CFAP299: variants seen among roughly 807,000 people sequenced by gnomAD.
CFAP299 encodes the protein cilia and flagella associated protein 299.
A neutral mutation model predicts 27.0 loss-of-function variants in CFAP299; 21 were observed. That is an observed-to-expected ratio of 0.78 (90% confidence interval 0.55 to 1.12). The LOEUF (loss-of-function observed/expected upper bound fraction) is 1.12, where lower values mean the gene tolerates loss of function less well. Among genes scored for constraint, CFAP299 ranks in the 50% most tolerant of loss-of-function variants. The pLI is 0.00. For synonymous variants in CFAP299, 104 were observed against 98.1 expected (o/e 1.06, Z -0.36); for missense variants, 310 against 276.6 (o/e 1.12, Z -0.86).
chr4:80,380,578 C>A (rs929147068), intron 2 of CFAP299, among the ~76,000 whole-genome samples: 4 of 151,946 alleles, frequency 2.6e-5, no homozygotes, highest in African/African-American at 9.7e-5. Context: ...CAGGTGCATG[C>A]CACCACACCT....
intron 4 of CFAP299, among the ~76,000 whole-genome samples, chr4:80,903,394 T>C (rs1735024227): frequency 6.6e-6 from 1 of 152,028 alleles, no homozygotes; most frequent in Non-Finnish European, 1.5e-5. Context: ...CTCAGTTACA[T>C]AAAAGAAAAT....
intron 3 of CFAP299, among the ~76,000 whole-genome samples, chr4:80,767,885 T>C (rs1725985823): frequency 6.6e-6 from 1 of 152,218 alleles, no homozygotes; most frequent in Admixed American, 6.5e-5. Context: ...TTTATCAAAA[T>C]AGACTCTCTA....
At chr4:80,726,897 T>A (rs1399256767) in intron 3 of CFAP299, among the ~76,000 whole-genome samples, 1 of 152,170 alleles carries the variant, frequency 6.6e-6, no homozygotes, top group African/African-American at 2.4e-5. Context: ...CAATTGGTAT[T>A]TTCTCATCTA....
At chr4:80,814,735 G>T (rs1443649997) in intron 3 of CFAP299, among the ~76,000 whole-genome samples, 1 of 151,476 alleles carries the variant, frequency 6.6e-6, no homozygotes, top group East Asian at 1.9e-4. Context: ...AAAAAAGTTT[G>T]GCTGAGAAAA....
At chr4:80,922,225 T>C (rs1007863103) in intron 4 of CFAP299, among the ~76,000 whole-genome samples, 1 of 152,100 alleles carries the variant, frequency 6.6e-6, no homozygotes. Flanking sequence ...ATAGGAGTGG[T>C]GACTCTGTTC....
intron 4 of CFAP299, among the ~76,000 whole-genome samples, chr4:80,940,534 C>T (rs1737140835): frequency 6.6e-6 from 1 of 152,150 alleles, no homozygotes; most frequent in Admixed American, 6.5e-5. Context: ...AGAATCTCTC[C>T]ACTGGACTTC....
the CFAP299 span, among the ~76,000 whole-genome samples, chr4:80,329,070 T>C: frequency 6.6e-6 from 1 of 151,912 alleles, no homozygotes; most frequent in South Asian, 2.1e-4. Context: ...CAATATAAGA[T>C]TTCTTTTTTT....
At chr4:80,847,774 T>C (rs1218064862) in intron 3 of CFAP299, among the ~76,000 whole-genome samples, 1 of 152,228 alleles carries the variant, frequency 6.6e-6, no homozygotes, top group Non-Finnish European at 1.5e-5. Context: ...TACTATTTGT[T>C]GCATGGTGAC....
At chr4:80,364,695 A>G (rs942411455) in intron 2 of CFAP299, among the ~76,000 whole-genome samples, 1 of 152,204 alleles carries the variant, frequency 6.6e-6, no homozygotes, top group Non-Finnish European at 1.5e-5. Context: ...AGGTCATCCC[A>G]TCACCTAGGT....
At chr4:80,631,708 ACTTTTT>A (rs1341285729) in intron 3 of CFAP299, among the ~76,000 whole-genome samples, 13 of 152,124 alleles carry the variant, frequency 8.5e-5, no homozygotes, top group Non-Finnish European at 1.5e-4. Flanking sequence ...TCTTTCAAAT[ACTTTTT>A]CTTTTTAATC....
At chr4:80,459,305 A>G (rs1729324213) in intron 2 of CFAP299, among the ~76,000 whole-genome samples, 1 of 152,160 alleles carries the variant, frequency 6.6e-6, no homozygotes, top group Non-Finnish European at 1.5e-5. Flanking sequence ...TCTTATGAAG[A>G]CAAACTCTCC....
intron 4 of CFAP299, among the ~76,000 whole-genome samples, chr4:80,931,429 AC>A (rs1168756795): frequency 2.6e-5 from 4 of 152,206 alleles, no homozygotes; most frequent in African/African-American, 9.6e-5. Flanking sequence ...CCCCATTCAA[AC>A]AAGACAATTG....
rs1178041630 is a variant in CFAP299, at chr4:80,386,386, C to T, written c.242+23502C>T. ...AAGGGCGGCTTGCCCGGGACGGCCT[C>T]GGGCACCAGACCAGCCCCTGTGTCC... On this transcript the variant is annotated intron_variant, in intron 2 of 5. Transcript: ENST00000358105. 7 of 1,526,238 alleles carry T rather than the reference C, an allele frequency of 4.6e-6. No homozygotes were observed. In the Admixed American group the frequency reaches 5.6e-5, roughly 12 times the overall value. The allele number at this position is 1,526,238 out of a possible 1,614,324, so 94.5% of individuals were successfully genotyped here.
At chr4:80,540,561 A>C (rs11945984) in intron 2 of CFAP299, among the ~76,000 whole-genome samples, 8,898 of 152,256 alleles carry the variant, frequency 0.058, 541 homozygotes, top group African/African-American at 0.15. Context: ...ATGATTCTTT[A>C]TAATGAGCCC....
chr4:80,413,999 A>C (rs1047876640), intron 2 of CFAP299, among the ~76,000 whole-genome samples: 2 of 151,934 alleles, frequency 1.3e-5, no homozygotes, highest in Admixed American at 6.6e-5. Context: ...TCATCTCTGA[A>C]AAGAAGACTC....
intron 2 of CFAP299, among the ~76,000 whole-genome samples, chr4:80,535,364 G>A (rs1277853464): frequency 1.4e-5 from 1 of 71,960 alleles, no homozygotes; most frequent in Non-Finnish European, 2.4e-5. Context: ...GCGTAGTGGC[G>A]GGCGCCTGTA....
chr4:80,735,943 G>A (rs912374840), intron 3 of CFAP299, among the ~76,000 whole-genome samples: 12 of 151,820 alleles, frequency 7.9e-5, no homozygotes, highest in Admixed American at 6.6e-4. Flanking sequence ...GGGTAATACT[G>A]GCCTCTCAGA....
At chr4:80,366,141 T>C (rs1723822928) in intron 2 of CFAP299, among the ~76,000 whole-genome samples, 1 of 152,234 alleles carries the variant, frequency 6.6e-6, no homozygotes, top group South Asian at 2.1e-4. Flanking sequence ...AAATATGTCC[T>C]GTGCCTATAT....
chr4:80,801,296 T>C (rs1728581562), intron 3 of CFAP299, among the ~76,000 whole-genome samples: 1 of 151,938 alleles, frequency 6.6e-6, no homozygotes, highest in African/African-American at 2.4e-5. Flanking sequence ...CTGCAAGGGG[T>C]TATCCACATC....
Sources: gnomAD v4.1 joint callset for allele counts (sites outside exome capture counted in the v4.1 genomes callset) on GRCh38, gnomAD v4.1.1 for gene constraint, MANE v1.5 for transcripts, NCBI Gene and HGNC (gene_info 2026-07-23, HGNC 2026-07-21) for gene names.